The following LRRC4C variants were observed in gnomAD, a reference collection of about 807,000 sequenced individuals.
The protein encoded by LRRC4C is leucine rich repeat containing 4C, also known as leucine-rich repeat-containing protein 4C.
Under a neutral mutation model 33.6 loss-of-function variants are expected in LRRC4C, and 5 were observed. The ratio of observed to expected loss-of-function variants is 0.15; its 90% CI spans 0.08 to 0.31. LRRC4C has a LOEUF of 0.31. Among genes scored for constraint, LRRC4C ranks in the 10% least tolerant of loss-of-function variants. The pLI is 1.00. For missense variants in LRRC4C, 560 were observed against 796.7 expected (o/e 0.70, Z 3.58); for synonymous variants, 329 against 302.0 (o/e 1.09, Z -0.93).
At chr11:40,797,001 C>T (rs1950861626) in intron 2 of LRRC4C, among the ~76,000 whole-genome samples, 1 of 152,038 alleles carries the variant, frequency 6.6e-6, no homozygotes. Flanking sequence ...AGAACTTGAG[C>T]AATATCTCTG....
intron 4 of LRRC4C, among the ~76,000 whole-genome samples, chr11:40,316,296 C>A (rs1945569772): frequency 6.6e-6 from 1 of 151,950 alleles, no homozygotes; most frequent in Admixed American, 6.6e-5. Flanking sequence ...AAATGTCAAT[C>A]ATAAAGTAAC....
chr11:40,114,382 C>T lies in LRRC4C; in HGVS notation c.1911G>A (p.Glu637=). Residue 637 remains glutamate, a synonymous_variant, in exon 7 of 7, where the codon GAG becomes GAA. Coordinates refer to ENST00000528697, the MANE Select transcript of LRRC4C (RefSeq NM_001258419.2). ...CTCTGTAAATGTTTTAGATTTGAGT[C>T]TCTTGTACATTGTCTTTAGAGTTCA... is the stretch of plus-strand genomic sequence containing the variant. ...IRMNSKDNVQ[E]TQI 2 of 1,606,796 alleles carry T rather than the reference C, an allele frequency of 1.2e-6. No individual in the cohort carries two copies. The highest frequency in any genetic ancestry group is 1.7e-6 in the Non-Finnish European group (2 of 1,175,966).
chr11:40,631,993 A>T (rs944517801), intron 3 of LRRC4C, among the ~76,000 whole-genome samples: 12 of 152,224 alleles, frequency 7.9e-5, no homozygotes, highest in Non-Finnish European at 1.6e-4. Flanking sequence ...AGATATTATT[A>T]ACATCATTTT....
intron 1 of LRRC4C, among the ~76,000 whole-genome samples, chr11:41,148,259 C>G (rs968057282): frequency 6.6e-6 from 1 of 151,992 alleles, no homozygotes; most frequent in Non-Finnish European, 1.5e-5. Flanking sequence ...TTCTGATCTG[C>G]CTGCCTCAGA....
chr11:40,341,901 T>C (rs998890726), intron 3 of LRRC4C, among the ~76,000 whole-genome samples: 6 of 152,028 alleles, frequency 3.9e-5, no homozygotes, highest in African/African-American at 1.4e-4. Context: ...AAATATTTGA[T>C]CCTTATTACA....
At chr11:40,733,340 G>T (rs1947702676) in intron 2 of LRRC4C, among the ~76,000 whole-genome samples, 1 of 152,030 alleles carries the variant, frequency 6.6e-6, no homozygotes, top group Non-Finnish European at 1.5e-5. Flanking sequence ...CTCCCAAAGT[G>T]CTGGGATTGC....
At chr11:41,108,250 C>T (rs1158778401) in intron 1 of LRRC4C, among the ~76,000 whole-genome samples, 1 of 151,992 alleles carries the variant, frequency 6.6e-6, no homozygotes, top group Non-Finnish European at 1.5e-5. Flanking sequence ...TACATGCAGG[C>T]AGATGTCCAC....
intron 1 of LRRC4C, among the ~76,000 whole-genome samples, chr11:41,028,162 A>G (rs1396464135): frequency 1.3e-5 from 2 of 150,686 alleles, no homozygotes; most frequent in Non-Finnish European, 3.0e-5. Context: ...AGGATCATCC[A>G]TTTTTTTTTA....
At chr11:41,123,223 G>A (rs1422145799) in intron 1 of LRRC4C, among the ~76,000 whole-genome samples, 4 of 145,004 alleles carry the variant, frequency 2.8e-5, no homozygotes, top group Admixed American at 1.4e-4. Context: ...AGCAACTCTG[G>A]ATTTTATAAA....
chr11:40,621,616 T>A (rs1962459639), intron 3 of LRRC4C, among the ~76,000 whole-genome samples: 1 of 151,778 alleles, frequency 6.6e-6, no homozygotes, highest in South Asian at 2.1e-4. Flanking sequence ...AATGATGACT[T>A]TATCTATTTA....
chr11:41,332,510 G>A (rs1169101070), intron 1 of LRRC4C, among the ~76,000 whole-genome samples: 2 of 152,030 alleles, frequency 1.3e-5, no homozygotes, highest in Non-Finnish European at 2.9e-5. Context: ...TGCCAGAAAG[G>A]AAACTCCTAA....
chr11:40,397,597 G>A (rs1590605781), intron 3 of LRRC4C, among the ~76,000 whole-genome samples: 1 of 151,968 alleles, frequency 6.6e-6, no homozygotes, highest in Non-Finnish European at 1.5e-5. Context: ...GTAGTTGGTG[G>A]GTAAAAAGCA....
intron 2 of LRRC4C, among the ~76,000 whole-genome samples, chr11:40,833,868 C>T (rs550363794): frequency 5.9e-5 from 9 of 152,140 alleles, no homozygotes; most frequent in Admixed American, 1.3e-4. Flanking sequence ...GGCTGTTCTG[C>T]GGATACACAG....
intron 3 of LRRC4C, among the ~76,000 whole-genome samples, chr11:40,590,971 G>T (rs1223005373): frequency 6.6e-6 from 1 of 152,198 alleles, no homozygotes; most frequent in Non-Finnish European, 1.5e-5. Flanking sequence ...GCCTACAGAG[G>T]CAGGCAGGCC....
chr11:41,222,536 C>T (rs1171580690), intron 1 of LRRC4C, among the ~76,000 whole-genome samples: 6 of 152,208 alleles, frequency 3.9e-5, no homozygotes, highest in East Asian at 1.9e-4. Context: ...CCCTGGACTC[C>T]GATCTCACCA....
intron 5 of LRRC4C, among the ~76,000 whole-genome samples, chr11:40,161,834 CAATTT>C (rs1565072553): frequency 6.6e-6 from 1 of 152,126 alleles, no homozygotes; most frequent in Non-Finnish European, 1.5e-5. Flanking sequence ...CTGTGCTGAA[CAATTT>C]ACAGAATCTA....
At chr11:41,440,239 T>C (rs1955570377) in intron 1 of LRRC4C, among the ~76,000 whole-genome samples, 3 of 152,114 alleles carry the variant, frequency 2.0e-5, no homozygotes, top group African/African-American at 7.2e-5. Context: ...CATATAGCTA[T>C]CTATGATTAA....
chr11:41,066,602 C>T (rs1325980717), intron 1 of LRRC4C, among the ~76,000 whole-genome samples: 1 of 152,052 alleles, frequency 6.6e-6, no homozygotes, highest in African/African-American at 2.4e-5. Flanking sequence ...AACCCAAAGA[C>T]ACATAATCAT....
chr11:40,487,215 G>T (rs1826722), intron 3 of LRRC4C, among the ~76,000 whole-genome samples: 3 of 152,024 alleles, frequency 2.0e-5, no homozygotes, highest in East Asian at 1.9e-4. Context: ...TTTAATGAGA[G>T]AAAAATAAAA....
Sources: gnomAD v4.1 joint callset for allele counts (sites outside exome capture counted in the v4.1 genomes callset) on GRCh38, gnomAD v4.1.1 for gene constraint, MANE v1.5 for transcripts, NCBI Gene and HGNC (gene_info 2026-07-23, HGNC 2026-07-21) for gene names.